CCT7: variants seen among roughly 807,000 people sequenced by gnomAD.
The protein encoded by CCT7 is chaperonin containing TCP1 subunit 7, also known as T-complex protein 1 subunit eta.
A neutral mutation model predicts 56.6 loss-of-function variants in CCT7; 16 were observed. The observed-to-expected ratio is 0.28, with a 90% confidence interval of 0.19 to 0.43. The LOEUF is 0.43. Among genes scored for constraint, CCT7 ranks in the 20% least tolerant of loss-of-function variants. The pLI is 1.00. For synonymous variants in CCT7, 262 were observed against 254.8 expected (o/e 1.03, Z -0.27); for missense variants, 519 against 685.6 (o/e 0.76, Z 2.71).
At chr2:73,246,555 ATTC>A (rs1408903590) in intron 6 of CCT7, among the ~76,000 whole-genome samples, 3 of 152,138 alleles carry the variant, frequency 2.0e-5, no homozygotes, top group Admixed American at 6.5e-5. Context: ...TTCCTACTTT[ATTC>A]TTCTGCGTAA....
intron 10 of CCT7, 122 bp downstream of exon 10, chr2:73,250,560 G>C (rs1432584790): frequency 1.7e-6 from 2 of 1,151,434 alleles, no homozygotes; most frequent in Non-Finnish European, 2.5e-6. Context: ...GGGTGGTGTG[G>C]TGAGCCCTGA....
At chr2:73,251,868 G>A (rs569638240) in intron 11 of CCT7, among the ~76,000 whole-genome samples, 1 of 152,252 alleles carries the variant, frequency 6.6e-6, no homozygotes, top group African/African-American at 2.4e-5. Flanking sequence ...GAACCCAGGA[G>A]GCAGAGCTTG....
chr2:73,252,716 C>T lies in CCT7; in HGVS notation c.1487C>T (p.Ala496Val), dbSNP rs775875750. 4 of 1,614,194 alleles carry T rather than the reference C, an allele frequency of 2.5e-6. No individual in the cohort carries two copies. In the South Asian group the frequency reaches 4.4e-5, roughly 18 times the overall value. Residue 496 changes from alanine to valine, a missense_variant, in exon 12 of 12, where the codon GCT (alanine) becomes GTT (valine). By Grantham distance (64) the Ala-to-Val change is moderately conservative (BLOSUM62 0). This residue lies in a region of CCT7 where 237 missense variants were observed against 300.8 expected (regional missense o/e 0.79). Transcript: ENST00000258091. Reference protein sequence around the residue: ...DNFEAFVWEPAMVRINALTAA... With the variant: ...DNFEAFVWEPVMVRINALTAA... ...TTTGAAGCTTTCGTGTGGGAGCCAG[C>T]TATGGTGCGGATCAATGCGCTGACA...
chr2:73,245,034 G>A (rs1687273737), intron 6 of CCT7, among the ~76,000 whole-genome samples: 1 of 152,192 alleles, frequency 6.6e-6, no homozygotes, highest in African/African-American at 2.4e-5. Flanking sequence ...TAATACATCT[G>A]AGAGGGATTT....
chr2:73,252,546 G>A, intron 11 of CCT7, 94 bp from the exon 12 acceptor site: 4 of 931,192 alleles, frequency 4.3e-6, no homozygotes, highest in Non-Finnish European at 6.8e-6. Context: ...CAGAGAGTCT[G>A]CGGGTTCCTA....
Position 73,244,339 on chromosome 2 carries a change from G to C in CCT7, c.447-205G>C, listed in dbSNP as rs189131778. On this transcript the variant is annotated intron_variant, in intron 5 of 11. Transcript: ENST00000258091. ...CCCACAGAGCACAAAAGAAGCTGTC[G>C]ACTGTAGTTTAAAAGCTGCCACATA... 18 of 604,062 alleles carry C rather than the reference G, an allele frequency of 3.0e-5. No homozygotes were observed. In the South Asian group the frequency reaches 3.3e-4, roughly 11 times the overall value. 37.4% of individuals were successfully genotyped at this position (604,062 alleles called of 1,614,324 possible).
chr2:73,247,891 A>G lies in CCT7; in HGVS notation c.748A>G (p.Lys250Glu). ...TGTCGAGCTCGAGTTGAAAGCTGAG[A>G]AAGACAATGCTGAGATAAGAGTCCA... ...LNVELELKAE[K>E]DNAEIRVHTV... Residue 250 changes from lysine (K) to glutamate (E), a missense_variant, in exon 7 of 12, where the codon AAA becomes GAA. Around this residue, in one of 3 missense-constraint regions of CCT7, gnomAD observed 276 missense variants for 357.3 expected, o/e 0.77. Coordinates refer to ENST00000258091, the MANE Select transcript of CCT7 (RefSeq NM_006429.4). The G allele has an allele frequency of 6.2e-7, 1 of 1,614,216 alleles. No individual in the cohort carries two copies. The highest frequency in any genetic ancestry group is 8.5e-7 in the Non-Finnish European group (1 of 1,180,026).
chr2:73,249,937 G>A (rs1246130894), intron 9 of CCT7, 21 bp downstream of exon 9: 53 of 1,539,404 alleles, frequency 3.4e-5, no homozygotes, highest in Non-Finnish European at 4.1e-5. Context: ...GGCCCAGGCC[G>A]AGCTCACAAA....
Position 73,239,651 on chromosome 2 carries a change from A to G in CCT7, c.15A>G (p.Pro5=), listed in dbSNP as rs1574353859. The change falls in exon 2 of 12, where the codon CCA becomes CCG. Residue 5 remains proline, a synonymous_variant. Coordinates refer to ENST00000258091, the MANE Select transcript of CCT7 (RefSeq NM_006429.4). The part of the protein sequence containing the change: MMPT[P]VILLKEGTDS... ...ATTTCTTTCTTTTCTAGCCCACACCAGTTATCCTATTGAAAGAGGGGACTG... is the reference window on the plus strand; with the variant it reads ...ATTTCTTTCTTTTCTAGCCCACACCGGTTATCCTATTGAAAGAGGGGACTG... 5 of 1,613,864 alleles carry G rather than the reference A, an allele frequency of 3.1e-6. No individual in the cohort carries two copies. Among genetic ancestry groups the G allele is most frequent in the Non-Finnish European group, 4.2e-6 (5 of 1,179,758 alleles).
At chr2:73,236,533 G>T (rs1458072235) in intron 1 of CCT7, among the ~76,000 whole-genome samples, 1 of 152,158 alleles carries the variant, frequency 6.6e-6, no homozygotes. Flanking sequence ...TAGAGACGGG[G>T]TTTCACCGTG....
Position 73,252,913 on chromosome 2 carries a change from C to A in CCT7, c.*52C>A, listed in dbSNP as rs965736938. The A allele has an allele frequency of 1.5e-5, 21 of 1,397,304 alleles. No individual in the cohort carries two copies. Among genetic ancestry groups the A allele is most frequent in the Non-Finnish European group, 1.9e-5 (19 of 998,820 alleles). 86.6% of individuals were successfully genotyped at this position (1,397,304 alleles called of 1,614,324 possible). A position where few individuals can be genotyped will look rare whatever the true frequency, so the allele number is the denominator to read the frequency against. On this transcript the variant is annotated 3_prime_UTR_variant, in exon 12 of 12. Coordinates refer to ENST00000258091, the MANE Select transcript of CCT7 (RefSeq NM_006429.4). ...GCTGGCTGCTGGGTGCACTTACCCT[C>A]CTTGGCTTGGTTACTTCATTTTACA...
In CCT7 at chr2:73,249,171, A is replaced by G; in HGVS notation, c.964A>G (p.Thr322Ala). Residue 322 changes from threonine (T) to alanine (A), a missense_variant, in exon 8 of 12, where the codon ACA (threonine) becomes GCA (alanine). Physicochemically the swap from Thr to Ala is moderately conservative, Grantham distance 58. Transcript: ENST00000258091. The part of the protein sequence containing the change: ...GRVPEEDLKR[T>A]MMACGGSIQT... ...AGTACCTGAGGAGGATCTGAAGAGG[A>G]CAATGATGGTAACCAGATTTTCACA... 3 of 1,600,616 alleles carry G rather than the reference A, an allele frequency of 1.9e-6. No homozygotes were observed. Among genetic ancestry groups the G allele is most frequent in the Non-Finnish European group, 2.6e-6 (3 of 1,170,520 alleles).
chr2:73,251,656 C>T (rs1172924755), intron 11 of CCT7, among the ~76,000 whole-genome samples: 6 of 152,172 alleles, frequency 3.9e-5, no homozygotes, highest in African/African-American at 9.6e-5. Context: ...AGAGTATGAT[C>T]GTGGCCAGGT....
rs1687663856 is a variant in CCT7, at chr2:73,252,928, T to C, written c.*67T>C. The C allele has an allele frequency of 8.3e-7, 1 of 1,200,078 alleles. No individual in the cohort carries two copies. The highest frequency in any genetic ancestry group is 1.2e-6 in the Non-Finnish European group (1 of 836,696). 74.3% of individuals were successfully genotyped at this position (1,200,078 alleles called of 1,614,324 possible). On this transcript the variant is annotated 3_prime_UTR_variant, in exon 12 of 12. Coordinates refer to ENST00000258091, the MANE Select transcript of CCT7 (RefSeq NM_006429.4). Reference sequence around the variant, plus strand: ...CACTTACCCTCCTTGGCTTGGTTACTTCATTTTACAAGGAAGGGGTAGTAA... The same window carrying C: ...CACTTACCCTCCTTGGCTTGGTTACCTCATTTTACAAGGAAGGGGTAGTAA...
At chr2:73,236,719 A>G (rs1484592647) in intron 1 of CCT7, among the ~76,000 whole-genome samples, 2 of 152,234 alleles carry the variant, frequency 1.3e-5, no homozygotes, top group Admixed American at 1.3e-4. Context: ...CTTTGCATAC[A>G]GTGCCTGCTG....
rs373577960 is a variant in CCT7, at chr2:73,252,845, G to A, written c.1616G>A (p.Arg539His). The change falls in exon 12 of 12, where the codon CGT (arginine) becomes CAT (histidine). Residue 539 changes from arginine (R) to histidine (H), a missense_variant. Coordinates refer to ENST00000258091, the MANE Select transcript of CCT7 (RefSeq NM_006429.4). ...APTAAGRGRG[R>H]GRPH ...ACAGCAGCAGGCCGGGGCCGTGGTC[G>A]TGGCCGCCCCCACTGAGAGGCACCC... The A allele has an allele frequency of 4.0e-5, 64 of 1,613,358 alleles. No individual in the cohort carries two copies. Among genetic ancestry groups the A allele is most frequent in the Non-Finnish European group, 5.1e-5 (60 of 1,179,686 alleles).
At chr2:73,236,543 G>T (rs1278798562) in intron 1 of CCT7, among the ~76,000 whole-genome samples, 1 of 152,138 alleles carries the variant, frequency 6.6e-6, no homozygotes, top group Non-Finnish European at 1.5e-5. Flanking sequence ...GTTTCACCGT[G>T]TTGACCAGGC....
chr2:73,244,985 G>A (rs1687271314), intron 6 of CCT7, among the ~76,000 whole-genome samples: 1 of 152,092 alleles, frequency 6.6e-6, no homozygotes, highest in Admixed American at 6.5e-5. Context: ...GTGGTGGAGG[G>A]GTAGTAGGAC....
At chr2:73,238,287 A>G (rs1686963236) in intron 1 of CCT7, among the ~76,000 whole-genome samples, 1 of 152,158 alleles carries the variant, frequency 6.6e-6, no homozygotes, top group South Asian at 2.1e-4. Flanking sequence ...ACTCCTCACC[A>G]TAGTGTGTCT....
Sources: allele counts gnomAD v4.1 joint callset (sites outside exome capture counted in the v4.1 genomes callset), GRCh38; gene constraint gnomAD v4.1.1; regional missense constraint gnomAD v4.1.1; transcripts MANE v1.5; gene names NCBI Gene and HGNC (gene_info 2026-07-23, HGNC 2026-07-21).